The following GNAQ variants were observed in gnomAD, a reference collection of about 807,000 sequenced individuals.
The protein encoded by GNAQ is guanine nucleotide-binding protein G(q) subunit alpha.
GNAQ carries 8 observed loss-of-function variants against 43.9 expected under a neutral mutation model. The observed-to-expected ratio is 0.18, with a 90% CI of 0.11 to 0.33. GNAQ has a LOEUF of 0.33. Among genes scored for constraint, GNAQ ranks in the 10% least tolerant of loss-of-function variants. The pLI is 1.00. For synonymous variants in GNAQ, 155 were observed against 170.7 expected (o/e 0.91, Z 0.71); for missense variants, 158 against 450.8 (o/e 0.35, Z 5.88).
chr9:77,885,317 C>T (rs1828284495), intron 2 of GNAQ, among the ~76,000 whole-genome samples: 1 of 152,012 alleles, frequency 6.6e-6, no homozygotes, highest in Non-Finnish European at 1.5e-5. Flanking sequence ...AGGCACACAG[C>T]CAGGTGAAAA....
chr9:77,759,515 T>C (rs79914593), intron 5 of GNAQ, among the ~76,000 whole-genome samples: 2,111 of 152,268 alleles, frequency 0.014, 52 homozygotes, highest in African/African-American at 0.046. Flanking sequence ...AAACCAATGT[T>C]CAGTTTCCTT....
chr9:78,018,341 A>G (rs1823864162), intron 1 of GNAQ, among the ~76,000 whole-genome samples: 1 of 152,196 alleles, frequency 6.6e-6, no homozygotes, highest in African/African-American at 2.4e-5. Flanking sequence ...ACATAAAAAT[A>G]AAACAGACTA....
At chr9:77,866,308 T>A (rs1286015077) in intron 2 of GNAQ, among the ~76,000 whole-genome samples, 1 of 152,186 alleles carries the variant, frequency 6.6e-6, no homozygotes, top group East Asian at 1.9e-4. Flanking sequence ...TGAAGCCCCA[T>A]CTCTATTAAA....
intron 1 of GNAQ, among the ~76,000 whole-genome samples, chr9:78,006,909 A>C (rs1228844794): frequency 6.6e-6 from 1 of 152,164 alleles, no homozygotes; most frequent in African/African-American, 2.4e-5. Flanking sequence ...AGTGAGGTTT[A>C]GCATTGTGTG....
chr9:77,804,953 G>A (rs932994035), intron 3 of GNAQ, among the ~76,000 whole-genome samples: 1 of 152,110 alleles, frequency 6.6e-6, no homozygotes, highest in African/African-American at 2.4e-5. Context: ...ATCATGCCAT[G>A]AGACGGTGTC....
intron 2 of GNAQ, among the ~76,000 whole-genome samples, chr9:77,852,216 A>G (rs774847377): frequency 6.6e-6 from 1 of 152,186 alleles, no homozygotes. Context: ...TCCTTCTTGC[A>G]TCGGAAGAAA....
At chr9:77,734,466 A>G (rs1029950904) in intron 5 of GNAQ, among the ~76,000 whole-genome samples, 1 of 152,172 alleles carries the variant, frequency 6.6e-6, no homozygotes, top group African/African-American at 2.4e-5. Context: ...TAAGAAATAA[A>G]TAAGCATGCA....
At chr9:77,897,223 C>A (rs553829185) in intron 2 of GNAQ, among the ~76,000 whole-genome samples, 1 of 152,338 alleles carries the variant, frequency 6.6e-6, no homozygotes, top group African/African-American at 2.4e-5. Flanking sequence ...TTTGCTGGAT[C>A]ACAGAATGTG....
At chr9:78,002,925 C>T (rs894209741) in intron 1 of GNAQ, among the ~76,000 whole-genome samples, 7 of 151,922 alleles carry the variant, frequency 4.6e-5, no homozygotes, top group African/African-American at 1.2e-4. Flanking sequence ...TAGTACAGAA[C>T]GAGATACACA....
At chr9:77,723,223 A>G (rs78960202) in intron 6 of GNAQ, among the ~76,000 whole-genome samples, 1,776 of 152,346 alleles carry the variant, frequency 0.012, 30 homozygotes, top group African/African-American at 0.04. Flanking sequence ...CACATCTACT[A>G]GCATGGCTAT....
chr9:77,958,900 A>C (rs1823073906), intron 1 of GNAQ, among the ~76,000 whole-genome samples: 1 of 152,184 alleles, frequency 6.6e-6, no homozygotes, highest in African/African-American at 2.4e-5. Flanking sequence ...CAATTCTTTC[A>C]TGATTTTCCC....
chr9:78,015,224 T>C (rs1823824425), intron 1 of GNAQ, among the ~76,000 whole-genome samples: 4 of 152,232 alleles, frequency 2.6e-5, no homozygotes. Flanking sequence ...TACAATAACA[T>C]GCTTTACAGG....
At chr9:77,986,063 T>C (rs1056758850) in intron 1 of GNAQ, among the ~76,000 whole-genome samples, 3 of 152,174 alleles carry the variant, frequency 2.0e-5, no homozygotes, top group African/African-American at 7.2e-5. Context: ...TGTTGCTTCT[T>C]CCTAGAATGT....
chr9:78,026,639 T>A (rs1281025407), intron 1 of GNAQ, among the ~76,000 whole-genome samples: 1 of 152,126 alleles, frequency 6.6e-6, no homozygotes, highest in African/African-American at 2.4e-5. Context: ...GGCACTGACC[T>A]CTAGGTTAAT....
intron 1 of GNAQ, among the ~76,000 whole-genome samples, chr9:77,922,866 G>C (rs1829017983): frequency 1.3e-5 from 2 of 152,116 alleles, no homozygotes; most frequent in Non-Finnish European, 2.9e-5. Context: ...GTCTTGCTCT[G>C]TAATGCAGGC....
At chr9:77,967,566 C>G (rs1772987331) in intron 1 of GNAQ, among the ~76,000 whole-genome samples, 1 of 152,124 alleles carries the variant, frequency 6.6e-6, no homozygotes, top group Non-Finnish European at 1.5e-5. Context: ...AAGCCAGCCA[C>G]AAAATGCCAC....
At chr9:77,840,421 CT>C (rs1827471684) in intron 2 of GNAQ, among the ~76,000 whole-genome samples, 1 of 150,508 alleles carries the variant, frequency 6.6e-6, no homozygotes. Flanking sequence ...ACTGTAACCT[CT>C]GTCTCCCAGG....
intron 5 of GNAQ, among the ~76,000 whole-genome samples, chr9:77,742,181 A>G (rs1825662802): frequency 6.6e-6 from 1 of 152,146 alleles, no homozygotes; most frequent in Non-Finnish European, 1.5e-5. Context: ...GTTTACTGAA[A>G]AGGACCCCCT....
chr9:77,784,728 G>A (rs893815593), intron 5 of GNAQ, among the ~76,000 whole-genome samples: 1 of 152,138 alleles, frequency 6.6e-6, no homozygotes, highest in Non-Finnish European at 1.5e-5. Context: ...CTTAACAACG[G>A]ACGTGCATCA....
Sources: allele counts gnomAD v4.1 joint callset (sites outside exome capture counted in the v4.1 genomes callset), GRCh38; gene constraint gnomAD v4.1.1; transcripts MANE v1.5; gene names NCBI Gene and HGNC (gene_info 2026-07-23, HGNC 2026-07-21).